The following MRC1 variants were observed in gnomAD, a reference collection of about 807,000 sequenced individuals.
The protein encoded by MRC1 is mannose receptor C-type 1, also known as macrophage mannose receptor 1.
Under a neutral mutation model 102.9 loss-of-function variants are expected in MRC1, and 62 were observed. The observed-to-expected ratio is 0.60, with a 90% CI of 0.49 to 0.74. The LOEUF is 0.74. MRC1 is among the 30% of genes least tolerant of loss of function. MRC1 has a pLI of 0.00. For missense variants in MRC1, 1,237 were observed against 862.8 expected, an observed-to-expected ratio of 1.43 and a Z score of -5.43; for synonymous variants, 457 against 298.4, an observed-to-expected ratio of 1.53 and a Z score of -5.48.
At chr10:17,843,657 C>G (rs1277258420) in intron 5 of MRC1, among the ~76,000 whole-genome samples, 1 of 151,548 alleles carries the variant, frequency 6.6e-6, no homozygotes, top group Non-Finnish European at 1.5e-5. Flanking sequence ...GAGCAAAACT[C>G]CATCTCAAAA....
At chr10:17,810,449 G>A (rs1426180821) in intron 1 of MRC1, among the ~76,000 whole-genome samples, 1 of 152,168 alleles carries the variant, frequency 6.6e-6, no homozygotes, top group African/African-American at 2.4e-5. Flanking sequence ...CCTAGGAAGA[G>A]AGTGTTTTAG....
intron 4 of MRC1, among the ~76,000 whole-genome samples, chr10:17,837,210 T>TA (rs1554839531): frequency 1.3e-5 from 2 of 152,224 alleles, no homozygotes; most frequent in Non-Finnish European, 2.9e-5. Context: ...CTCAGATACT[T>TA]ACTTGAATCT....
chr10:17,832,599 A>G (rs1838592506), intron 3 of MRC1, among the ~76,000 whole-genome samples: 1 of 144,910 alleles, frequency 6.9e-6, no homozygotes, highest in Non-Finnish European at 1.5e-5. Flanking sequence ...TTATTTATTT[A>G]GTTTTTGAGA....
chr10:17,873,701 T>C (rs1410635941), intron 15 of MRC1, 83 bp from the exon 16 acceptor site: 1 of 828,074 alleles, frequency 1.2e-6, no homozygotes, highest in Non-Finnish European at 2.2e-6. Flanking sequence ...CAATATTGAC[T>C]CATGAAAATA....
At chr10:17,815,866 G>A (rs1288453858) in intron 1 of MRC1, among the ~76,000 whole-genome samples, 12 of 149,492 alleles carry the variant, frequency 8.0e-5, no homozygotes, top group African/African-American at 2.0e-4. Context: ...TCACTCTGTC[G>A]CCCAGGCTAC....
intron 2 of MRC1, among the ~76,000 whole-genome samples, chr10:17,826,695 C>G (rs1251691625): frequency 1.3e-5 from 2 of 152,192 alleles, no homozygotes; most frequent in Non-Finnish European, 2.9e-5. Context: ...CTTCCTTAAC[C>G]TTTTTGGCTT....
intron 3 of MRC1, among the ~76,000 whole-genome samples, chr10:17,829,099 C>T (rs3858195): frequency 0.19 from 29,109 of 151,320 alleles, 3,486 homozygotes; most frequent in Non-Finnish European, 0.25. Flanking sequence ...TCTCCTGCTG[C>T]CCTGCAAAGG....
intron 9 of MRC1, among the ~76,000 whole-genome samples, chr10:17,861,161 A>T (rs1371414439): frequency 6.6e-6 from 1 of 152,072 alleles, no homozygotes; most frequent in East Asian, 1.9e-4. Context: ...AAGACAGAAA[A>T]ATTTGGCCGG....
At chr10:17,832,854 G>T (rs1554839163) in intron 3 of MRC1, among the ~76,000 whole-genome samples, 3 of 152,084 alleles carry the variant, frequency 2.0e-5, no homozygotes. Context: ...CTCCCAAAGT[G>T]CTAGGATTAC....
At position 17,885,434 on chromosome 10, in the gene MRC1, A is replaced by G; in HGVS notation, c.3146A>G (p.Asp1049Gly). ...GGRRSSLSYE[D>G]ADCVVIIGGA... ...AGAAGAAGCAGTCTTTCTTATGAAGATGTAAATATCAGATTCAGGTCACCT... is the reference window on the plus strand; with the variant it reads ...AGAAGAAGCAGTCTTTCTTATGAAGGTGTAAATATCAGATTCAGGTCACCT... Residue 1049 changes from aspartate (D) to glycine (G), a missense_variant and splice_region_variant, in exon 22 of 30, where the codon GAT (aspartate) becomes GGT (glycine). Transcript: ENST00000569591. 1 of 780,728 alleles carries G rather than the reference A, an allele frequency of 1.3e-6. No homozygotes were observed. Among genetic ancestry groups the G allele is most frequent in the Admixed American group, 1.7e-5 (1 of 59,022 alleles). The allele number at this position is 780,728 out of a possible 1,614,324, so 48.4% of individuals were successfully genotyped here. A position where few individuals can be genotyped will look rare whatever the true frequency, so the allele number is the denominator to read the frequency against.
chr10:17,833,031 C>CT (rs1838603021), intron 3 of MRC1, among the ~76,000 whole-genome samples: 1 of 150,332 alleles, frequency 6.7e-6, no homozygotes, highest in African/African-American at 2.5e-5. Context: ...ACCCTCCCAC[C>CT]TTTTGTAGTA....
chr10:17,908,508 C>T (rs1338237861), intron 28 of MRC1, among the ~76,000 whole-genome samples: 1 of 151,916 alleles, frequency 6.6e-6, no homozygotes, highest in African/African-American at 2.4e-5. Flanking sequence ...CTTTAGGCTT[C>T]TCTAACTGTT....
chr10:17,868,493 G>T (rs1194000121), intron 12 of MRC1, among the ~76,000 whole-genome samples: 2 of 152,166 alleles, frequency 1.3e-5, no homozygotes, highest in Admixed American at 1.3e-4. Context: ...TCAATGTGGG[G>T]ATTACAGGTC....
chr10:17,838,904 A>C (rs1838709679), intron 4 of MRC1, among the ~76,000 whole-genome samples: 1 of 152,224 alleles, frequency 6.6e-6, no homozygotes, highest in Non-Finnish European at 1.5e-5. Flanking sequence ...CAATACTAAA[A>C]TATTTTGGTC....
intron 4 of MRC1, among the ~76,000 whole-genome samples, chr10:17,837,454 TA>T (rs1206084954): frequency 6.6e-6 from 1 of 152,194 alleles, no homozygotes; most frequent in Non-Finnish European, 1.5e-5. Context: ...TATTGGGGAA[TA>T]ATCCAGAAAA....
chr10:17,854,977 C>T (rs988430545), intron 8 of MRC1, among the ~76,000 whole-genome samples: 1 of 152,140 alleles, frequency 6.6e-6, no homozygotes, highest in Non-Finnish European at 1.5e-5. Flanking sequence ...AGGCGTGAGC[C>T]GCCGCGCTTG....
At chr10:17,829,730 C>T (rs1838540255) in intron 3 of MRC1, among the ~76,000 whole-genome samples, 1 of 151,422 alleles carries the variant, frequency 6.6e-6, no homozygotes, top group Non-Finnish European at 1.5e-5. Flanking sequence ...GTATATATTT[C>T]ATGGGTCCAA....
intron 22 of MRC1, among the ~76,000 whole-genome samples, chr10:17,885,851 A>G (rs1278119052): frequency 6.6e-6 from 1 of 151,354 alleles, no homozygotes; most frequent in African/African-American, 2.4e-5. Context: ...GATCATGATC[A>G]TGATCATGAG....
At chr10:17,867,293 T>C (rs1332689953) in intron 12 of MRC1, among the ~76,000 whole-genome samples, 1 of 143,758 alleles carries the variant, frequency 7.0e-6, no homozygotes, top group Non-Finnish European at 1.6e-5. Flanking sequence ...CCTTCTTTCT[T>C]CGTTCCTTCT....
Sources: allele counts gnomAD v4.1 joint callset (sites outside exome capture counted in the v4.1 genomes callset), GRCh38; gene constraint gnomAD v4.1.1; transcripts MANE v1.5; gene names NCBI Gene and HGNC (gene_info 2026-07-23, HGNC 2026-07-21).